TGIF2: variants seen among roughly 807,000 people sequenced by gnomAD.
TGIF2 encodes the protein homeobox protein TGIF2.
TGIF2 carries 5 observed loss-of-function variants against 15.1 expected under a neutral mutation model. The observed-to-expected ratio is 0.33, with a 90% CI of 0.17 to 0.70. TGIF2 has a LOEUF of 0.70. Among genes scored for constraint, TGIF2 ranks in the 30% least tolerant of loss-of-function variants. The pLI is 0.67. For missense variants in TGIF2, 264 were observed against 302.5 expected (o/e 0.87, Z 0.94); for synonymous variants, 131 against 128.9 (o/e 1.02, Z -0.11).
At position 36,578,783 on chromosome 20, in the gene TGIF2, C is replaced by G. The variant is rs1299044253; in HGVS notation, c.9C>G (p.Asp3Glu). Reference protein sequence around the residue: MSDSDLGEDEGLL... With the variant: MSESDLGEDEGLL... ...CCTAGCCCCTAGGCACCATGTCGGA[C>G]AGTGATCTAGGTGAGGACGAAGGCC... The change falls in exon 2 of 3, where the codon GAC becomes GAG. Residue 3 changes from aspartate to glutamate, a missense_variant. Transcript: ENST00000373872. 1.2e-6 allele frequency: 2 copies of G among 1,611,872 alleles called. No homozygotes were observed. Among genetic ancestry groups the G allele is most frequent in the Non-Finnish European group, 1.7e-6 (2 of 1,178,740 alleles).
At position 36,591,991 on chromosome 20, in the gene TGIF2, CGA is replaced by C. The variant is rs1569533121; in HGVS notation, c.*564_*565del. The C allele has an allele frequency of 6.5e-6, 1 of 153,480 alleles. No individual in the cohort carries two copies. The highest frequency in any genetic ancestry group is 2.4e-5 in the African/African-American group (1 of 41,422). 9.5% of individuals were successfully genotyped at this position (153,480 alleles called of 1,614,324 possible). On this transcript the variant is annotated 3_prime_UTR_variant, in exon 3 of 3. Coordinates refer to ENST00000373872, the MANE Select transcript of TGIF2 (RefSeq NM_021809.7). This position sits in a 1 kb window ranked among gnomAD's most constrained non-coding sequence, Gnocchi z 5.3. ...CAGTAGTTAGCCCAGGTGTGGGGAACGAGAGTGCACTGCATGATAGCGTTCTG... is the reference window on the plus strand; with the variant it reads ...CAGTAGTTAGCCCAGGTGTGGGGAACGAGTGCACTGCATGATAGCGTTCTG...
At chr20:36,577,665 G>A (rs1281239558) in intron 1 of TGIF2, among the ~76,000 whole-genome samples, 4 of 151,296 alleles carry the variant, frequency 2.6e-5, no homozygotes, top group East Asian at 2.0e-4. Flanking sequence ...ACAGGCACGC[G>A]CCACCATGCC....
rs2038769397 is a variant in TGIF2, at chr20:36,591,499, A to G, written c.*68A>G. 2 of 1,490,638 alleles carry G rather than the reference A, an allele frequency of 1.3e-6. No individual in the cohort carries two copies. The highest frequency in any genetic ancestry group is 1.8e-6 in the Non-Finnish European group (2 of 1,106,228). The allele number at this position is 1,490,638 out of a possible 1,614,324, so 92.3% of individuals were successfully genotyped here. A position where few individuals can be genotyped will look rare whatever the true frequency, so the allele number is the denominator to read the frequency against. ...TGGGTTTCCGTTTTGGTTCCCTTTC[A>G]TACAGAGGGTTTTCTATGGATCACT... On this transcript the variant is annotated 3_prime_UTR_variant, in exon 3 of 3. Coordinates refer to ENST00000373872, the MANE Select transcript of TGIF2 (RefSeq NM_021809.7). This position sits in a 1 kb window ranked among gnomAD's most constrained non-coding sequence, Gnocchi z 5.3.
At position 36,579,079 on chromosome 20, in the gene TGIF2, T is replaced by G. The variant is rs2038491470; in HGVS notation, c.192+113T>G. 5 of 1,402,620 alleles carry G rather than the reference T, an allele frequency of 3.6e-6. No homozygotes were observed. In the Admixed American group the frequency reaches 1.3e-4, roughly 38 times the overall value. 86.9% of individuals were successfully genotyped at this position (1,402,620 alleles called of 1,614,324 possible). On this transcript the variant is annotated intron_variant, in intron 2 of 2. Coordinates refer to ENST00000373872, the MANE Select transcript of TGIF2 (RefSeq NM_021809.7). ...GGCCACTCACTTTCACTGTCTGGGCTTCGGTTTCTTCTTGGGTTAGGGGAG... is the reference window on the plus strand; with the variant it reads ...GGCCACTCACTTTCACTGTCTGGGCGTCGGTTTCTTCTTGGGTTAGGGGAG...
chr20:36,591,107 C>T lies in TGIF2; in HGVS notation c.390C>T (p.Cys130=), dbSNP rs2038761566. ...APTNVLSLSV[C]SMPLHSGQGE... ...CCAATGTGCTCTCCCTGTCTGTGTG[C>T]TCCATGCCGCTTCACTCAGGCCAGG... is the stretch of plus-strand genomic sequence containing the variant. Residue 130 remains cysteine (C), a synonymous_variant, in exon 3 of 3, where the codon TGC becomes TGT. Transcript: ENST00000373872. The surrounding 1 kb of genome is among the most constrained non-coding windows in gnomAD (Gnocchi z 5.3). The T allele has an allele frequency of 6.2e-7, 1 of 1,609,420 alleles. No homozygotes were observed. The highest frequency in any genetic ancestry group is 1.1e-5 in the South Asian group (1 of 90,842).
chr20:36,592,188 G>GTA lies in TGIF2; in HGVS notation c.*759_*760dup. 1 of 151,726 alleles carries GTA rather than the reference G, an allele frequency of 6.6e-6. No individual in the cohort carries two copies. The highest frequency in any genetic ancestry group is 2.4e-5 in the African/African-American group (1 of 41,364). The allele number at this position is 151,726 out of a possible 1,614,324, so 9.4% of individuals were successfully genotyped here. On this transcript the variant is annotated 3_prime_UTR_variant, in exon 3 of 3. Transcript: ENST00000373872. ...GCAGGGAAAAAAAAAAAAAACAACCGTATGAGCGCATTGGCTTGTCTGCCG... is the reference window on the plus strand; with the variant it reads ...GCAGGGAAAAAAAAAAAAAACAACCGTATATGAGCGCATTGGCTTGTCTGCCG...
chr20:36,576,810 T>G (rs2038439466), intron 1 of TGIF2, among the ~76,000 whole-genome samples: 1 of 152,032 alleles, frequency 6.6e-6, no homozygotes, highest in Non-Finnish European at 1.5e-5. Context: ...GCTCAAGCGA[T>G]TCTTCCACCT....
intron 2 of TGIF2, among the ~76,000 whole-genome samples, chr20:36,580,853 G>A (rs925724109): frequency 1.8e-4 from 26 of 148,522 alleles, no homozygotes; most frequent in Non-Finnish European, 2.5e-4. Flanking sequence ...GGCCAGGCAC[G>A]GTGGCTCACA....
intron 1 of TGIF2, chr20:36,574,544 C>G (rs1332340916): frequency 6.6e-6 from 1 of 152,146 alleles, no homozygotes; most frequent in African/African-American, 2.4e-5. Context: ...AGCGCGCACG[C>G]TCCGCCGTCC....
In TGIF2 at chr20:36,591,380, A is replaced by G. The variant is rs200681657; in HGVS notation, c.663A>G (p.Ser221=). 6.2e-7 allele frequency: 1 copy of G among 1,613,686 alleles called. No homozygotes were observed. Among genetic ancestry groups the G allele is most frequent in the South Asian group, 1.1e-5 (1 of 91,058 alleles). ...EMELQKQQDP[S]LPLLHTPIPL... ...AGCTTCAGAAGCAGCAGGACCCATC[A>G]CTCCCATTACTGCACACTCCCATCC... Residue 221 remains serine, a synonymous_variant, in exon 3 of 3, where the codon TCA becomes TCG. Transcript: ENST00000373872. The surrounding 1 kb of genome is among the most constrained non-coding windows in gnomAD (Gnocchi z 5.3).
Position 36,579,063 on chromosome 20 carries a change from C to T in TGIF2, c.192+97C>T, listed in dbSNP as rs1026332357. 2.1e-6 allele frequency: 3 copies of T among 1,460,202 alleles called. No homozygotes were observed. In the African/African-American group the frequency reaches 4.3e-5, roughly 21 times the overall value. 90.5% of individuals were successfully genotyped at this position (1,460,202 alleles called of 1,614,324 possible). The stretch of plus-strand genomic sequence containing the variant: ...AGTCACTGTGGTCTTGGGCCACTCA[C>T]TTTCACTGTCTGGGCTTCGGTTTCT... On this transcript the variant is annotated intron_variant, in intron 2 of 2. Transcript: ENST00000373872.
intron 1 of TGIF2, among the ~76,000 whole-genome samples, chr20:36,577,741 C>G (rs2038462162): frequency 6.6e-6 from 1 of 150,430 alleles, no homozygotes; most frequent in African/African-American, 2.5e-5. Flanking sequence ...GTCTCAATCT[C>G]TTGACCTCGT....
At chr20:36,590,705 C>A (rs558165020) in intron 2 of TGIF2, among the ~76,000 whole-genome samples, 11 of 152,254 alleles carry the variant, frequency 7.2e-5, no homozygotes, top group African/African-American at 2.6e-4. Flanking sequence ...GTTGGGACCA[C>A]AGGGGTGCAC....
intron 2 of TGIF2, among the ~76,000 whole-genome samples, chr20:36,587,370 G>A (rs2038681445): frequency 6.6e-6 from 1 of 152,170 alleles, no homozygotes; most frequent in African/African-American, 2.4e-5. Context: ...CCACACAGAT[G>A]CTGAGAAATG....
chr20:36,587,773 T>C (rs531041269), intron 2 of TGIF2, among the ~76,000 whole-genome samples: 8 of 152,158 alleles, frequency 5.3e-5, no homozygotes, highest in East Asian at 1.9e-4. Context: ...GAAATGTGAA[T>C]AGTGCCTGAG....
chr20:36,587,606 C>T (rs1216554739), intron 2 of TGIF2, among the ~76,000 whole-genome samples: 1 of 152,154 alleles, frequency 6.6e-6, no homozygotes, highest in African/African-American at 2.4e-5. Context: ...CTTCAGCTGG[C>T]AGTGGGGTGG....
chr20:36,587,944 T>C (rs186838082), intron 2 of TGIF2, among the ~76,000 whole-genome samples: 73 of 151,812 alleles, frequency 4.8e-4, no homozygotes, highest in Non-Finnish European at 7.2e-4. Context: ...GTGGCACATG[T>C]CTGTGGTCCC....
chr20:36,587,600 A>G (rs1289696497), intron 2 of TGIF2, among the ~76,000 whole-genome samples: 1 of 152,142 alleles, frequency 6.6e-6, no homozygotes, highest in Non-Finnish European at 1.5e-5. Context: ...CTCACTCTTC[A>G]GCTGGCAGTG....
intron 2 of TGIF2, among the ~76,000 whole-genome samples, chr20:36,589,836 G>A (rs551673822): frequency 8.6e-5 from 13 of 151,996 alleles, no homozygotes; most frequent in Admixed American, 7.2e-4. Context: ...CTACAGACAC[G>A]CACCACCATA....
Sources: gnomAD v4.1 joint callset for allele counts (sites outside exome capture counted in the v4.1 genomes callset) on GRCh38, gnomAD v4.1.1 for gene constraint, Gnocchi (gnomAD v3.1) non-coding constraint, MANE v1.5 for transcripts, NCBI Gene and HGNC (gene_info 2026-07-23, HGNC 2026-07-21) for gene names.